The following NIBAN1 variants were observed in gnomAD, a reference collection of about 807,000 sequenced individuals.
NIBAN1 encodes protein Niban 1.
A neutral mutation model predicts 75.1 loss-of-function variants in NIBAN1; 81 were observed. The ratio of observed to expected loss-of-function variants is 1.08; its 90% CI spans 0.90 to 1.30. The LOEUF is 1.30. Among genes scored for constraint, NIBAN1 ranks in the 50% most tolerant of loss-of-function variants. The probability of loss-of-function intolerance (pLI) is 0.00; values close to 1 mark genes in which losing one functional copy is unlikely to be tolerated. For missense variants in NIBAN1, 1,133 were observed against 1,128.1 expected, an observed-to-expected ratio of 1.00 and a Z score of -0.06; for synonymous variants, 436 against 424.8, an observed-to-expected ratio of 1.03 and a Z score of -0.32.
At chr1:184,954,258 AG>A (rs1361464578) in intron 1 of NIBAN1, among the ~76,000 whole-genome samples, 1 of 152,234 alleles carries the variant, frequency 6.6e-6, no homozygotes, top group East Asian at 1.9e-4. Flanking sequence ...GTGGAAGCCA[AG>A]AACAGAAAAT....
chr1:184,905,938 C>T (rs1044622907), intron 1 of NIBAN1, among the ~76,000 whole-genome samples: 4 of 151,966 alleles, frequency 2.6e-5, no homozygotes, highest in Non-Finnish European at 5.9e-5. Context: ...ATATTAATTA[C>T]CAAAAATATA....
chr1:184,803,237 T>C (rs1654093409), intron 12 of NIBAN1, among the ~76,000 whole-genome samples: 1 of 152,214 alleles, frequency 6.6e-6, no homozygotes, highest in Non-Finnish European at 1.5e-5. Context: ...CTGGTATCCT[T>C]AGGTATTCTA....
intron 5 of NIBAN1, among the ~76,000 whole-genome samples, chr1:184,865,841 A>T (rs1461953472): frequency 2.6e-5 from 4 of 152,214 alleles, no homozygotes; most frequent in Non-Finnish European, 5.9e-5. Context: ...AGCATGAGAA[A>T]AAAAGTTGTA....
chr1:184,954,379 C>G (rs1447772588), intron 1 of NIBAN1, among the ~76,000 whole-genome samples: 3 of 152,200 alleles, frequency 2.0e-5, no homozygotes, highest in African/African-American at 7.2e-5. Flanking sequence ...GTTTTCATAT[C>G]TTTCCATCCC....
intron 1 of NIBAN1, among the ~76,000 whole-genome samples, chr1:184,929,362 T>A (rs1259901037): frequency 1.3e-5 from 2 of 152,098 alleles, no homozygotes; most frequent in East Asian, 3.8e-4. Flanking sequence ...AAAAACCCAA[T>A]CTTAAAAAAA....
chr1:184,799,946 C>T lies in NIBAN1; in HGVS notation c.1555-1756G>A, dbSNP rs1203430713. On this transcript the variant is annotated intron_variant, in intron 12 of 13. Coordinates refer to ENST00000367511, the MANE Select transcript of NIBAN1 (RefSeq NM_052966.4). Reference sequence around the variant, plus strand: ...ATTTTTAGTAGAGACGGGGTTTCACCGTGTTAGCCAGGATGGTCTCGATCT... The same window carrying T: ...ATTTTTAGTAGAGACGGGGTTTCACTGTGTTAGCCAGGATGGTCTCGATCT... Among the ~76,000 whole-genome samples, 2 of 98,358 alleles carry T rather than the reference C, an allele frequency of 2.0e-5. 1 individual carries two copies. The highest frequency in any genetic ancestry group is 3.8e-5 in the Non-Finnish European group (2 of 52,074). 64.5% of individuals were successfully genotyped at this position (98,358 alleles called of 152,430 possible). A position where few individuals can be genotyped will look rare whatever the true frequency, so the allele number is the denominator to read the frequency against.
intron 1 of NIBAN1, among the ~76,000 whole-genome samples, chr1:184,973,622 T>C (rs1658992988): frequency 6.6e-6 from 1 of 152,196 alleles, no homozygotes; most frequent in Non-Finnish European, 1.5e-5. Flanking sequence ...TTTTGCAGCC[T>C]CACGCTCTCT....
In NIBAN1 at chr1:184,794,179, G is replaced by A. The variant is rs1306858251; in HGVS notation, c.*798C>T. On this transcript the variant is annotated 3_prime_UTR_variant, in exon 14 of 14. Coordinates refer to ENST00000367511, the MANE Select transcript of NIBAN1 (RefSeq NM_052966.4). ...TTCAAATAATGTTTGTTTAATTGAC[G>A]GGTTTTAAGCTCGATAACTTAGCTA... 6.6e-6 allele frequency: 1 copy of A among 152,112 alleles called. No homozygotes were observed. The highest frequency in any genetic ancestry group is 1.5e-5 in the Non-Finnish European group (1 of 68,078). 9.4% of individuals were successfully genotyped at this position (152,112 alleles called of 1,614,324 possible).
rs769046244 is a variant in NIBAN1 at position 184,795,328 on chromosome 1, C to A, written c.2436G>T (p.Glu812Asp). The change falls in exon 14 of 14, where the codon GAG (glutamate) becomes GAT (aspartate). Residue 812 changes from glutamate to aspartate, a missense_variant. Transcript: ENST00000367511. ...TGCAGGCCTCTCCTGGGAGCTCCCC[C>A]TCCATGGGCCCCAGGGGCTCCTCGG... The part of the protein sequence containing the change: ...GLTEEPLGPM[E>D]GELPGEACTL... 90 of 1,610,910 alleles carry A rather than the reference C, an allele frequency of 5.6e-5. 1 individual carries two copies. The South Asian group carries it at 8.3e-4, about 15-fold the overall frequency.
In NIBAN1 at chr1:184,922,226, T is replaced by C. The variant is rs1657573123; in HGVS notation, c.56-22917A>G. Among the ~76,000 whole-genome samples, 3 of 152,296 alleles carry C rather than the reference T, an allele frequency of 2.0e-5. 1 individual carries two copies. Among genetic ancestry groups the C allele is most frequent in the African/African-American group, 7.2e-5 (3 of 41,574 alleles). On this transcript the variant is annotated intron_variant, in intron 1 of 13. Coordinates refer to ENST00000367511, the MANE Select transcript of NIBAN1 (RefSeq NM_052966.4). ...AATAGGGTAGCCATCACATCAAGCA[T>C]TTATCCTTTCTTTGTGTTACAAACA...
At chr1:184,885,998 C>T (rs1373004403) in intron 4 of NIBAN1, among the ~76,000 whole-genome samples, 1 of 152,136 alleles carries the variant, frequency 6.6e-6, no homozygotes, top group Admixed American at 6.5e-5. Context: ...GCTGGCTTCC[C>T]CTCCACTCTC....
rs112596199 is a variant in NIBAN1, at chr1:184,932,421, T to C, written c.56-33112A>G. On this transcript the variant is annotated intron_variant, in intron 1 of 13. Transcript: ENST00000367511. ...TTCTCATAAGGATCATGAACTTAGA[T>C]CCCCTGCATGCACAGTTCACAGTAG... 8.6e-3 allele frequency among the ~76,000 whole-genome samples: 1,303 copies of C among 152,244 alleles called. 15 individuals carry two copies. The highest frequency in any genetic ancestry group is 0.021 in the South Asian group (99 of 4,820).
chr1:184,939,521 G>T (rs1384619240), intron 1 of NIBAN1, among the ~76,000 whole-genome samples: 1 of 152,034 alleles, frequency 6.6e-6, no homozygotes, highest in African/African-American at 2.4e-5. Context: ...GCAGAATTTA[G>T]TTCCCTTTCT....
At chr1:184,812,409 C>T (rs1012355511) in intron 9 of NIBAN1, among the ~76,000 whole-genome samples, 2 of 152,160 alleles carry the variant, frequency 1.3e-5, no homozygotes, top group Non-Finnish European at 1.5e-5. Flanking sequence ...CAGGATGGTG[C>T]AGCAAGCTGG....
At chr1:184,878,539 G>A (rs781514141) in intron 5 of NIBAN1, among the ~76,000 whole-genome samples, 2 of 152,130 alleles carry the variant, frequency 1.3e-5, no homozygotes, top group Non-Finnish European at 2.9e-5. Flanking sequence ...TATAGTCATG[G>A]TTAGCCTGTG....
At chr1:184,956,349 T>C (rs969995517) in intron 1 of NIBAN1, among the ~76,000 whole-genome samples, 2 of 152,166 alleles carry the variant, frequency 1.3e-5, no homozygotes, top group African/African-American at 4.8e-5. Context: ...TAGACCCTCA[T>C]GGGCTCTGTG....
Position 184,831,843 on chromosome 1 carries a change from T to A in NIBAN1, c.717+4A>T. On this transcript the variant is annotated splice_donor_region_variant and intron_variant, in intron 6 of 13. Transcript: ENST00000367511. ...AGAATCCAAAATTTTGAACCCCATA[T>A]TACCTGGATTTCATCCCCAGTGATC... 1.2e-6 allele frequency: 2 copies of A among 1,611,264 alleles called. No homozygotes were observed. The highest frequency in any genetic ancestry group is 2.2e-5 in the South Asian group (2 of 90,990).
Position 184,915,648 on chromosome 1 carries a change from T to G in NIBAN1, c.56-16339A>C, listed in dbSNP as rs186521977. On this transcript the variant is annotated intron_variant, in intron 1 of 13. Coordinates refer to ENST00000367511, the MANE Select transcript of NIBAN1 (RefSeq NM_052966.4). ...GAAGGATGGATGGCCTCGGCTGTAT[T>G]TGATGTGGTAAGCGATTTTTGAAAT... Among the ~76,000 whole-genome samples the G allele has an allele frequency of 4.9e-3, 752 of 152,234 alleles. 2 individuals carry two copies. Among genetic ancestry groups the G allele is most frequent in the Non-Finnish European group, 7.0e-3 (474 of 68,018 alleles).
intron 1 of NIBAN1, among the ~76,000 whole-genome samples, chr1:184,956,879 G>A (rs1658504723): frequency 6.6e-6 from 1 of 152,180 alleles, no homozygotes; most frequent in African/African-American, 2.4e-5. Flanking sequence ...ATAGTGTGAT[G>A]AGTGAGATAC....
Sources: gnomAD v4.1 joint callset for allele counts (sites outside exome capture counted in the v4.1 genomes callset) on GRCh38, gnomAD v4.1.1 for gene constraint, MANE v1.5 for transcripts, NCBI Gene and HGNC (gene_info 2026-07-23, HGNC 2026-07-21) for gene names.